The following CTNNA2 variants were observed in gnomAD, a reference collection of about 807,000 sequenced individuals.
The protein encoded by CTNNA2 is catenin alpha-2.
Under a neutral mutation model 101.0 loss-of-function variants are expected in CTNNA2, and 42 were observed. That is an observed-to-expected ratio of 0.42 (90% CI 0.32 to 0.54). The LOEUF (loss-of-function observed/expected upper bound fraction) is 0.54. Among genes scored for constraint, CTNNA2 ranks in the 20% least tolerant of loss-of-function variants. CTNNA2 has a pLI of 0.14. For missense variants in CTNNA2, 871 were observed against 1,223.1 expected (o/e 0.71, Z 4.29); for synonymous variants, 450 against 456.4 (o/e 0.99, Z 0.18).
At position 79,931,974 on chromosome 2, in the gene CTNNA2, G is replaced by A. The variant is rs116049868; in HGVS notation, c.1056+22177G>A. ...TAGACAAAAACAGTTGCGTATGGAAGGTACTGTTTAAAATGCATGCGGTCA... is the reference window on the plus strand; with the variant it reads ...TAGACAAAAACAGTTGCGTATGGAAAGTACTGTTTAAAATGCATGCGGTCA... On this transcript the variant is annotated intron_variant, in intron 7 of 18. Coordinates refer to ENST00000402739, the MANE Select transcript of CTNNA2 (RefSeq NM_001282597.3). Among the ~76,000 whole-genome samples the A allele has an allele frequency of 4.2e-3, 634 of 152,308 alleles. 6 individuals carry two copies. Among genetic ancestry groups the A allele is most frequent in the African/African-American group, 0.014 (596 of 41,554 alleles).
chr2:79,770,392 G>C (rs142334643), intron 3 of CTNNA2, among the ~76,000 whole-genome samples: 2,764 of 152,260 alleles, frequency 0.018, 35 homozygotes, highest in Non-Finnish European at 0.026. Flanking sequence ...CACTGGAAGT[G>C]CATCATTTTT....
At chr2:80,116,861 A>G (rs552225428) in intron 7 of CTNNA2, among the ~76,000 whole-genome samples, 1 of 151,566 alleles carries the variant, frequency 6.6e-6, no homozygotes, top group African/African-American at 2.4e-5. Flanking sequence ...GCACTAATAC[A>G]TGCCTAATCC....
intron 16 of CTNNA2, among the ~76,000 whole-genome samples, chr2:80,605,903 A>G (rs1288518483): frequency 6.6e-6 from 1 of 151,868 alleles, no homozygotes; most frequent in African/African-American, 2.4e-5. Context: ...ACCCATTGCT[A>G]TTGCCTAATT....
At chr2:79,806,375 C>T (rs145699692) in intron 3 of CTNNA2, among the ~76,000 whole-genome samples, 8 of 152,234 alleles carry the variant, frequency 5.3e-5, no homozygotes, top group African/African-American at 1.9e-4. Flanking sequence ...AGACGACTTG[C>T]ACAAACATCT....
chr2:79,244,353 C>T (rs1572996429), intron 2 of CTNNA2, among the ~76,000 whole-genome samples: 1 of 152,266 alleles, frequency 6.6e-6, no homozygotes, highest in African/African-American at 2.4e-5. Context: ...AGCATTTGAT[C>T]CAACACTGTG....
rs79446228 is a variant in CTNNA2, at chr2:80,560,301, C to T, written c.1741+4408C>T. Among the ~76,000 whole-genome samples the T allele has an allele frequency of 8.0e-3, 1,225 of 152,194 alleles. 6 individuals carry two copies. Among genetic ancestry groups the T allele is most frequent in the Non-Finnish European group, 0.013 (908 of 68,012 alleles). On this transcript the variant is annotated intron_variant, in intron 12 of 18. Coordinates refer to ENST00000402739, the MANE Select transcript of CTNNA2 (RefSeq NM_001282597.3). The stretch of plus-strand genomic sequence containing the variant: ...GACCAACAAATACAAAGCATCCAAA[C>T]TGGAAATCTTATTGAGAGGGTACAT...
rs144786434 is a variant in CTNNA2, at chr2:79,629,152, T to C, written c.-5-22400T>C. ...ATTGGCCCTCGTGTGGTTTCCCAAA[T>C]ATTGTGAGAATCATTTTTCTCGAAG... On this transcript the variant is annotated intron_variant, in intron 1 of 18. Transcript: ENST00000402739. Among the ~76,000 whole-genome samples, 665 of 152,316 alleles carry C rather than the reference T, an allele frequency of 4.4e-3. 20 individuals carry two copies. Among genetic ancestry groups the C allele is most frequent in the Admixed American group, 0.035 (539 of 15,294 alleles).
intron 2 of CTNNA2, among the ~76,000 whole-genome samples, chr2:79,223,604 A>C (rs2104225775): frequency 6.6e-6 from 1 of 152,324 alleles, no homozygotes; most frequent in Non-Finnish European, 1.5e-5. Flanking sequence ...CTCCAGGGAT[A>C]GAAATCTTTC....
rs368170407 is a variant in CTNNA2 at position 79,696,703 on chromosome 2, T to A, written c.102+45045T>A. ...TTCTTTGGTTTTAGCGATAGGGAAT[T>A]GGCAATGAAAATGAGATCAGACCCA... On this transcript the variant is annotated intron_variant, in intron 2 of 18. Coordinates refer to ENST00000402739, the MANE Select transcript of CTNNA2 (RefSeq NM_001282597.3). Among the ~76,000 whole-genome samples, 5 of 151,992 alleles carry A rather than the reference T, an allele frequency of 3.3e-5. No homozygotes were observed. In the South Asian group the frequency reaches 6.2e-4, roughly 19 times the overall value.
intron 9 of CTNNA2, among the ~76,000 whole-genome samples, chr2:80,508,580 G>A (rs956501749): frequency 6.6e-6 from 1 of 150,830 alleles, no homozygotes; most frequent in African/African-American, 2.4e-5. Context: ...ACTCTCTCTA[G>A]TCTATATTTT....
intron 7 of CTNNA2, among the ~76,000 whole-genome samples, chr2:80,063,802 G>A (rs558248430): frequency 6.6e-6 from 1 of 152,290 alleles, no homozygotes; most frequent in South Asian, 2.1e-4. Flanking sequence ...AACACCTGCT[G>A]TTTCCATCCC....
At chr2:79,455,105 G>A (rs1414034023) in intron 4 of CTNNA2, among the ~76,000 whole-genome samples, 3 of 152,136 alleles carry the variant, frequency 2.0e-5, no homozygotes, top group Admixed American at 1.3e-4. Context: ...GTCTGGGTGA[G>A]GGCAGAAGAC....
intron 2 of CTNNA2, among the ~76,000 whole-genome samples, chr2:79,211,295 CTTTAAGAAGGGGT>C (rs1674169308): frequency 6.6e-6 from 1 of 152,146 alleles, no homozygotes; most frequent in Non-Finnish European, 1.5e-5. Context: ...CACAGACTAT[CTTTAAGAAGGGGT>C]TTTTAGAGTA....
intron 7 of CTNNA2, among the ~76,000 whole-genome samples, chr2:80,124,100 T>G (rs1160020527): frequency 6.6e-6 from 1 of 152,230 alleles, no homozygotes; most frequent in South Asian, 2.1e-4. Context: ...ATCCCTATAG[T>G]TTTGGCTTAG....
At chr2:80,137,425 G>A (rs1702753972) in intron 7 of CTNNA2, among the ~76,000 whole-genome samples, 2 of 152,094 alleles carry the variant, frequency 1.3e-5, no homozygotes, top group African/African-American at 4.8e-5. Flanking sequence ...TACCTGATGG[G>A]AACATTTTGA....
At chr2:80,254,004 A>AT (rs1671954000) in intron 7 of CTNNA2, among the ~76,000 whole-genome samples, 1 of 152,078 alleles carries the variant, frequency 6.6e-6, no homozygotes, top group South Asian at 2.1e-4. Flanking sequence ...GCATTCCATT[A>AT]TTTTTTTAAG....
intron 7 of CTNNA2, among the ~76,000 whole-genome samples, chr2:80,053,948 A>T (rs1302212381): frequency 6.6e-6 from 1 of 152,232 alleles, no homozygotes; most frequent in Non-Finnish European, 1.5e-5. Context: ...AGTATCAATA[A>T]ACAGAAATCA....
chr2:79,385,178 G>T (rs2104466878), intron 4 of CTNNA2, among the ~76,000 whole-genome samples: 1 of 152,312 alleles, frequency 6.6e-6, no homozygotes. Flanking sequence ...AGTGTCTAGT[G>T]TATTGGGTCT....
intron 7 of CTNNA2, among the ~76,000 whole-genome samples, chr2:80,312,327 A>T (rs2149229807): frequency 6.6e-6 from 1 of 152,262 alleles, no homozygotes; most frequent in Non-Finnish European, 1.5e-5. Context: ...CTATTTAAAG[A>T]GGGCGGGGGT....
Sources: allele counts gnomAD v4.1 joint callset (sites outside exome capture counted in the v4.1 genomes callset), GRCh38; gene constraint gnomAD v4.1.1; transcripts MANE v1.5; gene names NCBI Gene and HGNC (gene_info 2026-07-23, HGNC 2026-07-21).